CDH23: variants seen among roughly 807,000 people sequenced by gnomAD.
CDH23 encodes the protein cadherin related 23, also known as cadherin-23.
CDH23 carries 189 observed loss-of-function variants against 317.1 expected under a neutral mutation model. That is an observed-to-expected ratio of 0.60 (90% CI 0.53 to 0.67). The LOEUF is 0.67. Ranked by LOEUF, CDH23 falls within the 30% of genes least tolerant of loss-of-function variation. The probability of loss-of-function intolerance (pLI) is 0.00; values close to 1 mark genes in which losing one functional copy is unlikely to be tolerated. For synonymous variants in CDH23, 1,839 were observed against 1,876.8 expected (o/e 0.98, Z 0.52); for missense variants, 4,401 against 4,592.4 (o/e 0.96, Z 1.20).
chr10:71,626,942 T>G (rs1416784149), intron 11 of CDH23, among the ~76,000 whole-genome samples: 1 of 152,168 alleles, frequency 6.6e-6, no homozygotes, highest in Non-Finnish European at 1.5e-5. Context: ...AGGCAAGGCA[T>G]GCAGAGAAGT....
rs535002805 is a variant in CDH23, at chr10:71,594,653, G to A, written c.832+16661G>A. 1.3e-4 allele frequency among the ~76,000 whole-genome samples: 20 copies of A among 152,328 alleles called. 3 individuals carry two copies. In the South Asian group the frequency reaches 4.1e-3, roughly 32 times the overall value. ...GCCTCCCAAAGTGCTGGGATTACAGGCATGAGCCACCGCACCCAGCCTGCT... is the reference window on the plus strand; with the variant it reads ...GCCTCCCAAAGTGCTGGGATTACAGACATGAGCCACCGCACCCAGCCTGCT... On this transcript the variant is annotated intron_variant, in intron 9 of 69. Transcript: ENST00000224721.
At chr10:71,632,003 C>T (rs1332056483) in intron 11 of CDH23, among the ~76,000 whole-genome samples, 2 of 152,106 alleles carry the variant, frequency 1.3e-5, no homozygotes, top group Non-Finnish European at 2.9e-5. Context: ...TGTAAAGAGA[C>T]GGGACAAAGA....
intron 3 of CDH23, among the ~76,000 whole-genome samples, chr10:71,494,558 T>C (rs1852850095): frequency 6.6e-6 from 1 of 152,288 alleles, no homozygotes; most frequent in Admixed American, 6.5e-5. Context: ...GTGTTTGTGG[T>C]AAATATTGAA....
intron 11 of CDH23, among the ~76,000 whole-genome samples, chr10:71,628,150 C>A (rs528136529): frequency 6.6e-6 from 1 of 152,358 alleles, no homozygotes; most frequent in African/African-American, 2.4e-5. Context: ...ACCCCATCGC[C>A]ATCATGGGCC....
Position 71,760,076 on chromosome 10 carries a change from T to C in CDH23, c.4846-17604T>C, listed in dbSNP as rs1164156400. 2.2e-5 allele frequency among the ~76,000 whole-genome samples: 3 copies of C among 138,068 alleles called. 1 individual carries two copies. Among genetic ancestry groups the C allele is most frequent in the African/African-American group, 8.2e-5 (3 of 36,808 alleles). The allele number at this position is 138,068 out of a possible 152,430, so 90.6% of individuals were successfully genotyped here. A position where few individuals can be genotyped will look rare whatever the true frequency, so the allele number is the denominator to read the frequency against. ...ACACATATATATACACACACACATA[T>C]ATATACACACACATATACACACACA... On this transcript the variant is annotated intron_variant, in intron 38 of 69. Coordinates refer to ENST00000224721, the MANE Select transcript of CDH23 (RefSeq NM_022124.6).
At chr10:71,704,172 G>A (rs369900505) in intron 24 of CDH23, among the ~76,000 whole-genome samples, 2 of 152,318 alleles carry the variant, frequency 1.3e-5, no homozygotes, top group South Asian at 2.1e-4. Flanking sequence ...TAGATCAGAC[G>A]ACCTTGATAT....
intron 6 of CDH23, among the ~76,000 whole-genome samples, chr10:71,536,227 AG>A: frequency 6.6e-6 from 1 of 152,340 alleles, no homozygotes; most frequent in East Asian, 1.9e-4. Flanking sequence ...CTGTGGAAGG[AG>A]GGCTCGAGGC....
chr10:71,625,403 A>AG (rs1375900722), intron 11 of CDH23, among the ~76,000 whole-genome samples: 54 of 130,748 alleles, frequency 4.1e-4, no homozygotes, highest in Non-Finnish European at 8.1e-4. Flanking sequence ...AATTAAAAAA[A>AG]AAAAAAAAAA....
At position 71,691,272 on chromosome 10, in the gene CDH23, A is replaced by G. The variant is rs538289775; in HGVS notation, c.2176+688A>G. Among the ~76,000 whole-genome samples the G allele has an allele frequency of 4.6e-5, 7 of 152,352 alleles. No individual in the cohort carries two copies. The East Asian group carries it at 1.3e-3, about 29-fold the overall frequency. On this transcript the variant is annotated intron_variant, in intron 20 of 69. Coordinates refer to ENST00000224721, the MANE Select transcript of CDH23 (RefSeq NM_022124.6). Reference sequence around the variant, plus strand: ...CAGCAAGAGATCCAGGCTTTCAGCCAGACCTGGGGAAGAATTGGGACTTCT... The same window carrying G: ...CAGCAAGAGATCCAGGCTTTCAGCCGGACCTGGGGAAGAATTGGGACTTCT...
chr10:71,627,502 ACCT>A (rs1328651429), intron 11 of CDH23, among the ~76,000 whole-genome samples: 1 of 152,020 alleles, frequency 6.6e-6, no homozygotes, highest in Non-Finnish European at 1.5e-5. Context: ...TGAGTCAGAC[ACCT>A]CCTAATTTAG....
chr10:71,803,815 CAAAAAAAAAA>C (rs59916449), intron 55 of CDH23, among the ~76,000 whole-genome samples: 8 of 71,086 alleles, frequency 1.1e-4, no homozygotes, highest in African/African-American at 3.4e-4. Context: ...ACTAAAAATG[CAAAAAAAAAA>C]AAAAAAAAAA....
At chr10:71,423,922 C>T (rs901567431) in intron 1 of CDH23, among the ~76,000 whole-genome samples, 2 of 152,192 alleles carry the variant, frequency 1.3e-5, no homozygotes, top group East Asian at 1.9e-4. Flanking sequence ...GTCCAGGTGT[C>T]GGGTGCTTGT....
intron 38 of CDH23, among the ~76,000 whole-genome samples, chr10:71,776,202 A>G (rs1320657445): frequency 6.6e-6 from 1 of 152,140 alleles, no homozygotes; most frequent in Non-Finnish European, 1.5e-5. Context: ...TTCAGCAAAC[A>G]CCCAATGCCC....
At chr10:71,535,977 G>A (rs1855679019) in intron 6 of CDH23, among the ~76,000 whole-genome samples, 2 of 152,242 alleles carry the variant, frequency 1.3e-5, no homozygotes, top group African/African-American at 2.4e-5. Flanking sequence ...ACACGCTCTC[G>A]GCAGAAGTCC....
chr10:71,418,814 G>C (rs1564567724), intron 1 of CDH23, among the ~76,000 whole-genome samples: 1 of 152,112 alleles, frequency 6.6e-6, no homozygotes, highest in Non-Finnish European at 1.5e-5. Flanking sequence ...TTTAAATCCT[G>C]GTTCACTGTT....
Position 71,740,886 on chromosome 10 carries a change from T to C in CDH23, c.4553T>C (p.Leu1518Pro). 6.2e-7 allele frequency: 1 copy of C among 1,613,988 alleles called. No individual in the cohort carries two copies. The highest frequency in any genetic ancestry group is 8.5e-7 in the Non-Finnish European group (1 of 1,179,886). ...GACCACATCCTGCAGGTGACCATCC[T>C]GGACATCAATGACAACCCTCCAGTC... ...KKDHILQVTI[L>P]DINDNPPVIE... Residue 1518 changes from leucine (L) to proline (P), a missense_variant, in exon 37 of 70, where the codon CTG (leucine) becomes CCG (proline). By Grantham distance (98) the Leu-to-Pro change is moderately conservative (BLOSUM62 -3). Transcript: ENST00000224721.
At chr10:71,774,049 G>GTGCACACACACA (rs1554871240) in intron 38 of CDH23, among the ~76,000 whole-genome samples, 2 of 145,490 alleles carry the variant, frequency 1.4e-5, no homozygotes, top group African/African-American at 5.1e-5. Context: ...GCATGCGCGC[G>GTGCACACACACA]CGCACACACA....
At chr10:71,800,792 C>G in intron 53 of CDH23, 37 bp downstream of exon 53, 2 of 1,607,808 alleles carry the variant, frequency 1.2e-6, no homozygotes, top group Non-Finnish European at 1.7e-6. Flanking sequence ...ATGACAGGGA[C>G]TGGGGTTGTG....
At chr10:71,538,165 A>T (rs934096777) in intron 6 of CDH23, among the ~76,000 whole-genome samples, 1 of 152,190 alleles carries the variant, frequency 6.6e-6, no homozygotes, top group African/African-American at 2.4e-5. Flanking sequence ...CTCCATGGTC[A>T]CGTTGCTCAG....
Sources: gnomAD v4.1 joint callset for allele counts (sites outside exome capture counted in the v4.1 genomes callset) on GRCh38, gnomAD v4.1.1 for gene constraint, MANE v1.5 for transcripts, NCBI Gene and HGNC (gene_info 2026-07-23, HGNC 2026-07-21) for gene names.